PCDH15: variants seen among roughly 807,000 people sequenced by gnomAD.
PCDH15 encodes the protein protocadherin-15.
PCDH15 carries 129 observed loss-of-function variants against 178.5 expected under a neutral mutation model. The ratio of observed to expected loss-of-function variants is 0.72; its 90% CI spans 0.63 to 0.84. The LOEUF is 0.84. PCDH15 is among the 40% of genes least tolerant of loss of function. PCDH15 has a pLI of 0.00. For synonymous variants in PCDH15, 800 were observed against 732.0 expected (o/e 1.09, Z -1.50); for missense variants, 2,230 against 2,099.9 (o/e 1.06, Z -1.21).
chr10:53,812,842 C>T (rs2075922584), intron 35 of PCDH15, among the ~76,000 whole-genome samples: 1 of 152,042 alleles, frequency 6.6e-6, no homozygotes, highest in Admixed American at 6.5e-5. Flanking sequence ...TTTCTATCAT[C>T]TATTATTTAT....
At chr10:55,146,565 G>A (rs1321755928) in intron 2 of PCDH15, among the ~76,000 whole-genome samples, 4 of 151,830 alleles carry the variant, frequency 2.6e-5, no homozygotes, top group African/African-American at 9.7e-5. Flanking sequence ...TGTAACACGT[G>A]ATAATTTGTA....
chr10:55,279,727 A>AT (rs1842680451), intron 1 of PCDH15, among the ~76,000 whole-genome samples: 2 of 152,110 alleles, frequency 1.3e-5, no homozygotes, highest in South Asian at 4.1e-4. Context: ...AAGAGATATC[A>AT]TTTTTCCCTG....
chr10:54,719,880 T>A (rs1314923469), intron 1 of PCDH15, among the ~76,000 whole-genome samples: 6 of 152,140 alleles, frequency 3.9e-5, no homozygotes, highest in Non-Finnish European at 8.8e-5. Context: ...GGCTGCATAG[T>A]ATTCCATGGT....
chr10:54,027,517 A>C (rs924415345), intron 18 of PCDH15, among the ~76,000 whole-genome samples: 37 of 151,182 alleles, frequency 2.4e-4, no homozygotes, highest in African/African-American at 8.6e-4. Flanking sequence ...AGCTGGAGGC[A>C]TCACACTACC....
At chr10:53,999,134 A>C (rs754708583) in intron 20 of PCDH15, among the ~76,000 whole-genome samples, 19 of 151,844 alleles carry the variant, frequency 1.3e-4, no homozygotes, top group Non-Finnish European at 2.6e-4. Flanking sequence ...CTCTATGAGG[A>C]GACACAGACA....
intron 2 of PCDH15, among the ~76,000 whole-genome samples, chr10:55,553,035 C>T (rs1437039130): frequency 3.3e-5 from 5 of 151,540 alleles, no homozygotes; most frequent in African/African-American, 1.2e-4. Flanking sequence ...AATTGACTTA[C>T]ACAGAGTACA....
upstream of PCDH15, among the ~76,000 whole-genome samples, chr10:54,802,399 G>A (rs1356780984): frequency 1.3e-5 from 2 of 152,112 alleles, no homozygotes; most frequent in South Asian, 2.1e-4. Flanking sequence ...ACATTAACAC[G>A]TGTAGAAGTA....
intron 2 of PCDH15, among the ~76,000 whole-genome samples, chr10:55,153,466 T>C (rs145993962): frequency 1.2e-3 from 189 of 152,266 alleles, no homozygotes; most frequent in South Asian, 5.4e-3. Flanking sequence ...TTCACCTTTG[T>C]AGTGGGCGTA....
chr10:55,163,060 C>A (rs142559409), intron 2 of PCDH15, among the ~76,000 whole-genome samples: 1 of 152,124 alleles, frequency 6.6e-6, no homozygotes, highest in Admixed American at 6.6e-5. Context: ...CAGAAGCACA[C>A]TCAGTCCAGA....
intron 14 of PCDH15, among the ~76,000 whole-genome samples, chr10:54,148,755 A>G (rs888713337): frequency 6.6e-6 from 1 of 151,928 alleles, no homozygotes; most frequent in Non-Finnish European, 1.5e-5. Flanking sequence ...ATTTTTGACA[A>G]ATCTATTTCT....
chr10:54,300,809 A>G (rs12779883), intron 8 of PCDH15, among the ~76,000 whole-genome samples: 7,080 of 152,266 alleles, frequency 0.046, 221 homozygotes, highest in Non-Finnish European at 0.07. Context: ...TAAATGCACT[A>G]ATCAGCGCTC....
intron 2 of PCDH15, among the ~76,000 whole-genome samples, chr10:55,579,839 T>C (rs1440086105): frequency 6.6e-6 from 1 of 151,950 alleles, no homozygotes; most frequent in Non-Finnish European, 1.5e-5. Flanking sequence ...TTTTTATTTG[T>C]TTTTTGTTGT....
chr10:54,751,818 C>G (rs189095557), intron 1 of PCDH15, among the ~76,000 whole-genome samples: 1 of 152,240 alleles, frequency 6.6e-6, no homozygotes, highest in Admixed American at 6.5e-5. Flanking sequence ...CAAGTCCCAT[C>G]AGATTAGCAA....
intron 2 of PCDH15, among the ~76,000 whole-genome samples, chr10:55,424,837 G>T (rs1278537945): frequency 6.6e-6 from 1 of 151,622 alleles, no homozygotes; most frequent in African/African-American, 2.4e-5. Flanking sequence ...TTCCAATTAC[G>T]TTTTCAAAGA....
intron 18 of PCDH15, among the ~76,000 whole-genome samples, chr10:54,030,774 C>T (rs574821121): frequency 1.3e-5 from 2 of 152,126 alleles, no homozygotes; most frequent in South Asian, 4.1e-4. Flanking sequence ...CAGACTAACT[C>T]TCTGACACAA....
chr10:54,112,470 C>A (rs1193451551), intron 15 of PCDH15, among the ~76,000 whole-genome samples: 1 of 152,088 alleles, frequency 6.6e-6, no homozygotes, highest in Non-Finnish European at 1.5e-5. Flanking sequence ...AATGCATTAT[C>A]TGTCATAGAG....
intron 30 of PCDH15, 47 bp downstream of exon 30, chr10:53,831,268 A>G: frequency 6.4e-7 from 1 of 1,562,074 alleles, no homozygotes; most frequent in Non-Finnish European, 8.8e-7. Flanking sequence ...GGTTTTCTGC[A>G]ATGACTTCTG....
intron 2 of PCDH15, among the ~76,000 whole-genome samples, chr10:54,976,986 C>T (rs981618453): frequency 1.2e-4 from 18 of 152,166 alleles, no homozygotes; most frequent in Admixed American, 9.2e-4. Flanking sequence ...GATTTTCTCA[C>T]AGTCATAATC....
chr10:55,495,875 C>T (rs1352090942), intron 2 of PCDH15, among the ~76,000 whole-genome samples: 2 of 151,738 alleles, frequency 1.3e-5, no homozygotes, highest in African/African-American at 2.4e-5. Flanking sequence ...TGTTGACTAA[C>T]CATATAATGG....
Sources: allele counts gnomAD v4.1 joint callset (sites outside exome capture counted in the v4.1 genomes callset), GRCh38; gene constraint gnomAD v4.1.1; transcripts MANE v1.5; gene names NCBI Gene and HGNC (gene_info 2026-07-23, HGNC 2026-07-21).